Variants in SLC43A2 observed in about 807,000 individuals in gnomAD.
The protein encoded by SLC43A2 is solute carrier family 43 member 2, also known as large neutral amino acids transporter small subunit 4.
Under a neutral mutation model 63.2 loss-of-function variants are expected in SLC43A2, and 38 were observed. The observed-to-expected ratio is 0.60, with a 90% CI of 0.46 to 0.79. SLC43A2 has a LOEUF of 0.79. SLC43A2 is among the 30% of genes least tolerant of loss of function. SLC43A2 has a pLI of 0.00. For missense variants in SLC43A2, 644 were observed against 756.2 expected (o/e 0.85, Z 1.74); for synonymous variants, 322 against 331.0 (o/e 0.97, Z 0.30).
chr17:1,597,240 C>T (rs557607828), intron 5 of SLC43A2, among the ~76,000 whole-genome samples: 149 of 151,500 alleles, frequency 9.8e-4, no homozygotes, highest in Non-Finnish European at 1.7e-3. Context: ...CACGGTGGCT[C>T]ACGCCTGTAA....
rs986489657 is a variant in SLC43A2, at chr17:1,585,275, C to G, written c.1217+638G>C. The G allele has an allele frequency of 5.6e-5, 56 of 1,005,346 alleles. No homozygotes were observed. In the African/African-American group the frequency reaches 9.3e-4, roughly 17 times the overall value. The allele number at this position is 1,005,346 out of a possible 1,614,324, so 62.3% of individuals were successfully genotyped here. ...TTTTTCTTTTTGAGACAGTCTTGCT[C>G]TGTTGCCCAGGCTGGAAGTGCAATG... On this transcript the variant is annotated intron_variant, in intron 10 of 13. Coordinates refer to ENST00000301335, the MANE Select transcript of SLC43A2 (RefSeq NM_152346.3).
intron 4 of SLC43A2, 36 bp downstream of exon 4, chr17:1,614,943 G>A (rs368917040): frequency 8.9e-5 from 143 of 1,608,846 alleles, no homozygotes; most frequent in Non-Finnish European, 1.1e-4. Context: ...CTCTCTCCCC[G>A]GTCCCTGACA....
chr17:1,599,816 G>A (rs529850754), intron 5 of SLC43A2, among the ~76,000 whole-genome samples: 1 of 151,662 alleles, frequency 6.6e-6, no homozygotes, highest in East Asian at 2.0e-4. Context: ...AAGCTGAGGC[G>A]GGTGGATCAT....
chr17:1,598,420 C>CA (rs58628614), intron 5 of SLC43A2, among the ~76,000 whole-genome samples: 2,225 of 121,788 alleles, frequency 0.018, 38 homozygotes, highest in African/African-American at 0.045. Flanking sequence ...GACTCTGTCT[C>CA]AAAAAAAAAA....
intron 9 of SLC43A2, 96 bp downstream of exon 9, chr17:1,590,706 G>A (rs536564556): frequency 9.5e-6 from 14 of 1,477,912 alleles, no homozygotes; most frequent in African/African-American, 2.8e-5. Context: ...CCATGGCCCG[G>A]CTGGCCCGGC....
chr17:1,600,394 G>A (rs531739398), intron 5 of SLC43A2, among the ~76,000 whole-genome samples: 9 of 149,264 alleles, frequency 6.0e-5, no homozygotes, highest in East Asian at 2.0e-4. Context: ...CAAGTGATCC[G>A]CCCGCCTCAG....
chr17:1,600,443 G>C (rs976480198), intron 5 of SLC43A2, among the ~76,000 whole-genome samples: 1 of 149,674 alleles, frequency 6.7e-6, no homozygotes, highest in East Asian at 2.0e-4. Context: ...GAGCCACCGC[G>C]CCCTTCCAAT....
At chr17:1,616,365 T>G in intron 3 of SLC43A2, 197 bp downstream of exon 3, 1 of 585,468 alleles carries the variant, frequency 1.7e-6, no homozygotes, top group Non-Finnish European at 3.0e-6. Flanking sequence ...GCTTTTCTTA[T>G]TCGGTACTGG....
At chr17:1,610,393 G>T (rs2151069593) in intron 5 of SLC43A2, among the ~76,000 whole-genome samples, 1 of 149,696 alleles carries the variant, frequency 6.7e-6, no homozygotes, top group East Asian at 2.1e-4. Context: ...CTCCCGAGGA[G>T]CTGGGACTAC....
At chr17:1,587,075 T>TGCGTTTCCC in intron 9 of SLC43A2, 2 of 1,210,140 alleles carry the variant, frequency 1.7e-6, no homozygotes, top group Non-Finnish European at 2.3e-6. Context: ...CAGCACGCAC[T>TGCGTTTCCC]GCATTTCCCA....
At chr17:1,609,017 A>C (rs185135313) in intron 5 of SLC43A2, among the ~76,000 whole-genome samples, 2 of 152,204 alleles carry the variant, frequency 1.3e-5, no homozygotes, top group Non-Finnish European at 2.9e-5. Context: ...CAATTCACAG[A>C]AGAAATGCAA....
Position 1,583,379 on chromosome 17 carries a change from A to G in SLC43A2, c.1218-43T>C. ...GTGCAGGGGTGGGAGGGCTCCCCGG[A>G]GGAAGCCGGGTGCTCCTGAGAAGTC... On this transcript the variant is annotated intron_variant, in intron 10 of 13. Transcript: ENST00000301335. This position sits in a 1 kb window ranked among gnomAD's most constrained non-coding sequence, Gnocchi z 5.5. The G allele has an allele frequency of 6.2e-7, 1 of 1,605,224 alleles. No homozygotes were observed. The highest frequency in any genetic ancestry group is 8.5e-7 in the Non-Finnish European group (1 of 1,173,162).
chr17:1,575,188 G>T lies in SLC43A2; in HGVS notation c.*416C>A. On this transcript the variant is annotated 3_prime_UTR_variant, in exon 14 of 14. Coordinates refer to ENST00000301335, the MANE Select transcript of SLC43A2 (RefSeq NM_152346.3). ...CGCGGGCGAGACAGTGCAAGCCTTT[G>T]TCCTCAGGCAGGTACGGCTGTGGGC... 1 of 285,868 alleles carries T rather than the reference G, an allele frequency of 3.5e-6. No individual in the cohort carries two copies. Among genetic ancestry groups the T allele is most frequent in the Non-Finnish European group, 6.8e-6 (1 of 147,060 alleles). 17.7% of individuals were successfully genotyped at this position (285,868 alleles called of 1,614,324 possible). A position where few individuals can be genotyped will look rare whatever the true frequency, so the allele number is the denominator to read the frequency against.
rs1301555727 is a variant in SLC43A2 at position 1,570,608 on chromosome 17, T to C, written c.*4996A>G. ...TTCACACCATTCTCCTGCCTCAGCC[T>C]CCCAAGTAGCTGGGACTACAGGCGC... On this transcript the variant is annotated 3_prime_UTR_variant, in exon 14 of 14. Transcript: ENST00000301335. The C allele has an allele frequency of 6.8e-6, 1 of 147,584 alleles. No homozygotes were observed. Among genetic ancestry groups the C allele is most frequent in the East Asian group, 2.0e-4 (1 of 4,952 alleles). 9.1% of individuals were successfully genotyped at this position (147,584 alleles called of 1,614,324 possible).
chr17:1,627,652 A>AACCCCCCCCCCCCCAAACCCCCCCC, intron 2 of SLC43A2, 63 bp downstream of exon 2: 1 of 227,124 alleles, frequency 4.4e-6, no homozygotes, highest in Non-Finnish European at 8.5e-6. Context: ...CTTCGCCCCC[A>AACCCCCCCCCCCCCAAACCCCCCCC]TCCCGCCCCC....
In SLC43A2 at chr17:1,591,335, G is replaced by T; in HGVS notation, c.865C>A (p.Gln289Lys). Reference protein sequence around the residue: ...MRSAKEQVALQEGHKLCLSTV... With the variant: ...MRSAKEQVALKEGHKLCLSTV... ...GACAGGCACAGCTTGTGGCCCTCCTGCAGCGCCACCTGCTCCTTGGCACTC... is the reference window on the plus strand; with the variant it reads ...GACAGGCACAGCTTGTGGCCCTCCTTCAGCGCCACCTGCTCCTTGGCACTC... The change falls in exon 8 of 14, where the codon CAG (glutamine) becomes AAG (lysine). Residue 289 changes from glutamine (Q) to lysine (K), a missense_variant. Around this residue, in one of 3 missense-constraint regions of SLC43A2, gnomAD observed 528 missense variants for 623.6 expected, o/e 0.85. Transcript: ENST00000301335. The T allele has an allele frequency of 6.2e-7, 1 of 1,609,700 alleles. No homozygotes were observed.
upstream of SLC43A2, among the ~76,000 whole-genome samples, chr17:1,629,131 C>G (rs928312089): frequency 1.3e-5 from 2 of 152,166 alleles, no homozygotes; most frequent in Non-Finnish European, 2.9e-5. Flanking sequence ...GCGGCCTGAC[C>G]CTGCGAGGCT....
At chr17:1,590,982 G>A in intron 8 of SLC43A2, 34 bp from the exon 9 acceptor site, 4 of 1,545,776 alleles carry the variant, frequency 2.6e-6, no homozygotes, top group South Asian at 1.2e-5. Flanking sequence ...CAGGGCCGGG[G>A]CACACTGTCC....
At chr17:1,611,072 A>T (rs2151070170) in intron 5 of SLC43A2, among the ~76,000 whole-genome samples, 1 of 151,892 alleles carries the variant, frequency 6.6e-6, no homozygotes, top group African/African-American at 2.4e-5. Context: ...CGAACTCCTG[A>T]CCTCATGATC....
Sources: gnomAD v4.1 joint callset for allele counts (sites outside exome capture counted in the v4.1 genomes callset) on GRCh38, gnomAD v4.1.1 for gene constraint, gnomAD v4.1.1 regional missense constraint, Gnocchi (gnomAD v3.1) non-coding constraint, MANE v1.5 for transcripts, NCBI Gene and HGNC (gene_info 2026-07-23, HGNC 2026-07-21) for gene names.